The following CISTR variants were observed in gnomAD, a reference collection of about 807,000 sequenced individuals.
The protein encoded by CISTR is chondrogenic regulator lncRNA.
At chr12:53,755,189 G>C (rs1053650454) in intron 1 of CISTR, among the ~76,000 whole-genome samples, 5 of 152,206 alleles carry the variant, frequency 3.3e-5, no homozygotes, top group Non-Finnish European at 7.3e-5. Context: ...TGGGACGGGA[G>C]TTATTTTCCT....
rs1937850709 is a variant in CISTR at position 53,751,554 on chromosome 12, T to TGGGC, written n.415-593_415-590dup. 6.6e-6 allele frequency among the ~76,000 whole-genome samples: 1 copy of TGGGC among 152,148 alleles called. No individual in the cohort carries two copies. Among genetic ancestry groups the TGGGC allele is most frequent in the Non-Finnish European group, 1.5e-5 (1 of 68,022 alleles). On this transcript the variant is annotated intron_variant and non_coding_transcript_variant, in intron 1 of 2. Transcript: ENST00000669269. The surrounding 1 kb of genome is among the most constrained non-coding windows in gnomAD (Gnocchi z 4.6). ...AAACGAGGCGCGCAGGACTCCCTGG[T>TGGGC]GGGCCCTCAGCCTCCTCCGCGCGGC... is the stretch of plus-strand genomic sequence containing the variant.
chr12:53,755,308 G>GGGGTGTGT (rs1555168465), intron 1 of CISTR, among the ~76,000 whole-genome samples: 21 of 147,246 alleles, frequency 1.4e-4, no homozygotes, highest in South Asian at 4.4e-4. Flanking sequence ...TCCTGTTTGG[G>GGGGTGTGT]GTGTGTGTGT....
Position 53,753,998 on chromosome 12 carries a change from A to G in CISTR, n.414+2816T>C, listed in dbSNP as rs536311513. On this transcript the variant is annotated intron_variant and non_coding_transcript_variant, in intron 1 of 2. Transcript: ENST00000669269. The stretch of plus-strand genomic sequence containing the variant: ...GGGGCGTGAAGATGAATGAGTCTGT[A>G]TTTCATGGGCTAGTGAACCATGGCT... 2.4e-4 allele frequency among the ~76,000 whole-genome samples: 37 copies of G among 152,162 alleles called. No individual in the cohort carries two copies. In the South Asian group the frequency reaches 6.4e-3, roughly 26 times the overall value.
chr12:53,748,494 G>A (rs967212361), intron 2 of CISTR, among the ~76,000 whole-genome samples: 9 of 152,140 alleles, frequency 5.9e-5, no homozygotes, highest in African/African-American at 1.2e-4. Context: ...AGACACTGCC[G>A]AGTGGAAAGG....
rs1452209933 is a variant in CISTR, at chr12:53,749,130, G to T, written n.1063+1187C>A. Reference sequence around the variant, plus strand: ...GTGGGGTGTAGGGGAGAGAACAGAAGAAAGATGGAAGTTAGAGAAAGACTG... The same window carrying T: ...GTGGGGTGTAGGGGAGAGAACAGAATAAAGATGGAAGTTAGAGAAAGACTG... On this transcript the variant is annotated intron_variant and non_coding_transcript_variant, in intron 2 of 2. Transcript: ENST00000669269. Among the ~76,000 whole-genome samples the T allele has an allele frequency of 1.1e-3, 168 of 151,962 alleles. 2 individuals carry two copies. The highest frequency in any genetic ancestry group is 6.6e-4 in the Non-Finnish European group (45 of 67,998).
At chr12:53,754,255 G>A (rs566286672) in intron 1 of CISTR, 2 of 152,274 alleles carry the variant, frequency 1.3e-5, no homozygotes, top group South Asian at 4.1e-4. Context: ...CACCTTCAAA[G>A]GGTTCGATAT....
chr12:53,748,434 G>T (rs531489255), intron 2 of CISTR, among the ~76,000 whole-genome samples: 1 of 152,276 alleles, frequency 6.6e-6, no homozygotes, highest in South Asian at 2.1e-4. Flanking sequence ...CCATAAGGCA[G>T]AGTGGGTCCC....
intron 2 of CISTR, among the ~76,000 whole-genome samples, chr12:53,747,263 G>T (rs1021109406): frequency 1.3e-5 from 2 of 152,202 alleles, no homozygotes; most frequent in Non-Finnish European, 2.9e-5. Flanking sequence ...CAGGAGCCAG[G>T]AGGCAGGAGG....
chr12:53,753,940 A>C (rs961198453), intron 1 of CISTR, among the ~76,000 whole-genome samples: 1 of 152,150 alleles, frequency 6.6e-6, no homozygotes, highest in African/African-American at 2.4e-5. Flanking sequence ...CTAGGAAGCC[A>C]GGCTGACTTC....
At position 53,752,684 on chromosome 12, in the gene CISTR, G is replaced by T. The variant is rs370891641; in HGVS notation, n.415-1719C>A. Among the ~76,000 whole-genome samples, 8 of 152,060 alleles carry T rather than the reference G, an allele frequency of 5.3e-5. No homozygotes were observed. The East Asian group carries it at 9.6e-4, about 18-fold the overall frequency. ...AAAACCAAGGTCACAGACTTTATAG[G>T]CCCCCCAAAATTGAATATCAGAAAT... On this transcript the variant is annotated intron_variant and non_coding_transcript_variant, in intron 1 of 2. Transcript: ENST00000669269.
chr12:53,748,469 G>A (rs1020096838), intron 2 of CISTR, among the ~76,000 whole-genome samples: 4 of 152,082 alleles, frequency 2.6e-5, no homozygotes, highest in Non-Finnish European at 4.4e-5. Flanking sequence ...GAAGAGAGAC[G>A]GACAGAGGGA....
At chr12:53,755,308 G>GGTGTGTGTGTGT (rs3058893) in intron 1 of CISTR, among the ~76,000 whole-genome samples, 145 of 147,242 alleles carry the variant, frequency 9.8e-4, no homozygotes, top group Middle Eastern at 3.5e-3. Flanking sequence ...TCCTGTTTGG[G>GGTGTGTGTGTGT]GTGTGTGTGT....
Position 53,751,404 on chromosome 12 carries a change from TC to T in CISTR, n.415-440del. Among the ~76,000 whole-genome samples the T allele has an allele frequency of 6.6e-6, 1 of 152,230 alleles. No individual in the cohort carries two copies. Among genetic ancestry groups the T allele is most frequent in the African/African-American group, 2.4e-5 (1 of 41,536 alleles). ...TCACTCTTTCCCCAGCCCTGTCGCCTCCCACCCCCCTTCCGGCCGCGGCAGT... is the reference window on the plus strand; with the variant it reads ...TCACTCTTTCCCCAGCCCTGTCGCCTCCACCCCCCTTCCGGCCGCGGCAGT... On this transcript the variant is annotated intron_variant and non_coding_transcript_variant, in intron 1 of 2. Coordinates refer to ENST00000669269, the Ensembl canonical transcript of CISTR. The surrounding 1 kb of genome is among the most constrained non-coding windows in gnomAD (Gnocchi z 4.6).
chr12:53,754,632 T>C (rs552016767), intron 1 of CISTR: 2 of 152,244 alleles, frequency 1.3e-5, no homozygotes, highest in Non-Finnish European at 2.9e-5. Flanking sequence ...CTGTGTACAG[T>C]TGAATCTAAG....
intron 1 of CISTR, among the ~76,000 whole-genome samples, chr12:53,752,574 T>TA (rs980962653): frequency 4.2e-4 from 64 of 152,346 alleles, no homozygotes; most frequent in African/African-American, 1.5e-3. Flanking sequence ...ACATGGGACT[T>TA]AGTCTATTAG....
chr12:53,755,308 G>GGGGT (rs1555168465), intron 1 of CISTR, among the ~76,000 whole-genome samples: 37 of 147,246 alleles, frequency 2.5e-4, no homozygotes, highest in East Asian at 2.0e-3. Flanking sequence ...TCCTGTTTGG[G>GGGGT]GTGTGTGTGT....
chr12:53,748,492 C>T (rs1937807163), intron 2 of CISTR, among the ~76,000 whole-genome samples: 1 of 152,084 alleles, frequency 6.6e-6, no homozygotes. Context: ...AGAGACACTG[C>T]CGAGTGGAAA....
chr12:53,750,522 T>TGA (rs1181045766), exon 2 of CISTR: 1 of 152,310 alleles, frequency 6.6e-6, no homozygotes, highest in African/African-American at 2.4e-5. Flanking sequence ...GTAGAGTGTG[T>TGA]GAGTGTGTGT....
At chr12:53,753,393 A>G (rs759402623) in intron 1 of CISTR, among the ~76,000 whole-genome samples, 14 of 152,226 alleles carry the variant, frequency 9.2e-5, no homozygotes, top group Non-Finnish European at 1.3e-4. Context: ...AAGGCTTATC[A>G]GTTGAGTTGG....
Sources: allele counts gnomAD v4.1 joint callset (sites outside exome capture counted in the v4.1 genomes callset), GRCh38; gene constraint gnomAD v4.1.1; non-coding constraint Gnocchi (gnomAD v3.1); transcripts MANE v1.5; gene names NCBI Gene and HGNC (gene_info 2026-07-23, HGNC 2026-07-21).